The following ATXN3 variants were observed in gnomAD, a reference collection of about 807,000 sequenced individuals.
ATXN3 encodes the protein ataxin-3.
A neutral mutation model predicts 58.2 loss-of-function variants in ATXN3; 28 were observed. The observed-to-expected ratio is 0.48, with a 90% CI of 0.36 to 0.66. ATXN3 has a LOEUF of 0.66. Among genes scored for constraint, ATXN3 ranks in the 30% least tolerant of loss-of-function variants. The pLI, the probability that ATXN3 is intolerant of heterozygous loss-of-function variation, is 0.00. For missense variants in ATXN3, 321 were observed against 422.1 expected (o/e 0.76, Z 2.10); for synonymous variants, 113 against 138.5 (o/e 0.82, Z 1.29).
intron 1 of ATXN3, among the ~76,000 whole-genome samples, chr14:92,104,210 G>A (rs556422695): frequency 3.3e-5 from 5 of 152,188 alleles, no homozygotes; most frequent in Non-Finnish European, 5.9e-5. Flanking sequence ...GCACGGTCTC[G>A]GCTCACTGCA....
At chr14:92,101,093 A>AT (rs1257712659) in intron 1 of ATXN3, among the ~76,000 whole-genome samples, 1 of 152,232 alleles carries the variant, frequency 6.6e-6, no homozygotes. Flanking sequence ...GAAAAACTGT[A>AT]TTGCTACAGG....
At chr14:92,047,471 GT>G (rs1037956793) in intron 2 of ATXN3, among the ~76,000 whole-genome samples, 1 of 152,194 alleles carries the variant, frequency 6.6e-6, no homozygotes, top group Non-Finnish European at 1.5e-5. Context: ...ATTGAGCCAG[GT>G]AAGGGTGATT....
chr14:92,095,267 T>C (rs1232450238), intron 3 of ATXN3, among the ~76,000 whole-genome samples: 1 of 152,040 alleles, frequency 6.6e-6, no homozygotes, highest in Non-Finnish European at 1.5e-5. Flanking sequence ...TTCTTTGAGA[T>C]GGAGTCTCGC....
intron 6 of ATXN3, among the ~76,000 whole-genome samples, chr14:92,088,108 G>A (rs1226400727): frequency 1.3e-5 from 2 of 149,096 alleles, no homozygotes; most frequent in South Asian, 2.1e-4. Flanking sequence ...TCGCTCTGTC[G>A]CCCAGGCTGG....
intron 2 of ATXN3, among the ~76,000 whole-genome samples, chr14:92,046,772 T>C (rs562152256): frequency 5.9e-4 from 90 of 152,220 alleles, no homozygotes; most frequent in Admixed American, 1.4e-3. Flanking sequence ...AAGGAGTTGT[T>C]GTTTTGTAGA....
chr14:92,106,439 GC>G, intron 1 of ATXN3, 89 bp downstream of exon 1: 13 of 1,554,530 alleles, frequency 8.4e-6, no homozygotes, highest in Non-Finnish European at 8.9e-6. Context: ...GGCGACTCGG[GC>G]CCCACCCAGC....
intron 5 of ATXN3, 60 bp from the exon 6 acceptor site, chr14:92,088,877 CAT>C: frequency 2.1e-6 from 2 of 969,126 alleles, no homozygotes; most frequent in East Asian, 2.4e-5. Flanking sequence ...GGAAGTTTCA[CAT>C]GTTAAGAATA....
chr14:92,104,629 T>A (rs1347161786), intron 1 of ATXN3, among the ~76,000 whole-genome samples: 1 of 152,002 alleles, frequency 6.6e-6, no homozygotes, highest in Non-Finnish European at 1.5e-5. Flanking sequence ...CTTTGAAAAT[T>A]AATAACAAAA....
chr14:92,091,657 ATAAGT>A (rs1176148031), intron 5 of ATXN3, among the ~76,000 whole-genome samples: 1 of 151,884 alleles, frequency 6.6e-6, no homozygotes, highest in Non-Finnish European at 1.5e-5. Flanking sequence ...TTATTGGGGT[ATAAGT>A]GACATATAAT....
At chr14:92,075,870 A>G (rs193052814) in intron 9 of ATXN3, among the ~76,000 whole-genome samples, 1 of 152,372 alleles carries the variant, frequency 6.6e-6, no homozygotes, top group East Asian at 1.9e-4. Context: ...AACTCTTCTC[A>G]GCAACATGTG....
intron 9 of ATXN3, among the ~76,000 whole-genome samples, chr14:92,077,386 G>A (rs949255188): frequency 2.0e-5 from 3 of 150,776 alleles, no homozygotes; most frequent in South Asian, 2.1e-4. Flanking sequence ...TCGCTCTGTC[G>A]CCCAGACTGG....
chr14:92,054,826 A>G (rs1266359588), downstream of ATXN3, among the ~76,000 whole-genome samples: 1 of 152,100 alleles, frequency 6.6e-6, no homozygotes, highest in Non-Finnish European at 1.5e-5. Context: ...TTTCTTGAAG[A>G]TGAGAGGAGA....
At chr14:92,045,379 A>T (rs2057422239) in intron 2 of ATXN3, among the ~76,000 whole-genome samples, 1 of 152,172 alleles carries the variant, frequency 6.6e-6, no homozygotes, top group South Asian at 2.1e-4. Flanking sequence ...CCGAGAAATT[A>T]TTTCTGACAG....
intron 1 of ATXN3, among the ~76,000 whole-genome samples, chr14:92,098,710 G>A (rs1379631678): frequency 6.6e-6 from 1 of 152,196 alleles, no homozygotes; most frequent in Non-Finnish European, 1.5e-5. Context: ...TTACAGTGCT[G>A]AAGTTCTCTT....
At chr14:92,057,036 A>G (rs979437852), downstream of ATXN3, among the ~76,000 whole-genome samples, 1 of 152,222 alleles carries the variant, frequency 6.6e-6, no homozygotes, top group Non-Finnish European at 1.5e-5. Flanking sequence ...CATTGGCACC[A>G]TGACAGTTGA....
At chr14:92,050,134 C>G (rs969655153), upstream of ATXN3, among the ~76,000 whole-genome samples, 1 of 140,768 alleles carries the variant, frequency 7.1e-6, no homozygotes, top group African/African-American at 2.8e-5. Context: ...TGGAAGTTGA[C>G]TTTGCTCTCG....
At chr14:92,046,905 T>C (rs2057430480) in intron 2 of ATXN3, among the ~76,000 whole-genome samples, 1 of 152,058 alleles carries the variant, frequency 6.6e-6, no homozygotes. Context: ...GAGGGGGACA[T>C]CCGATATCCC....
intron 3 of ATXN3, 113 bp from the exon 4 acceptor site, chr14:92,093,944 GTTTT>G (rs10606586): frequency 8.6e-3 from 3,689 of 428,034 alleles, no homozygotes; most frequent in East Asian, 0.02. Flanking sequence ...AAGGCTATAG[GTTTT>G]TTTTTTTTTT....
rs56057832 is a variant in ATXN3, at chr14:92,070,317, C to T, written c.991+618G>A. 2.7e-3 allele frequency among the ~76,000 whole-genome samples: 413 copies of T among 152,282 alleles called. 9 individuals carry two copies. The East Asian group carries it at 0.054, about 20-fold the overall frequency. On this transcript the variant is annotated intron_variant, in intron 10 of 10. Transcript: ENST00000644486. ...ATTTCTGGCCGGACGTGATGGCTCA[C>T]GCCTGTAATCCCAGCACTTTGGGAG... is the stretch of plus-strand genomic sequence containing the variant.
Sources: allele counts gnomAD v4.1 joint callset (sites outside exome capture counted in the v4.1 genomes callset), GRCh38; gene constraint gnomAD v4.1.1; transcripts MANE v1.5; gene names NCBI Gene and HGNC (gene_info 2026-07-23, HGNC 2026-07-21).